IL16: variants seen among roughly 807,000 people sequenced by gnomAD.
IL16 encodes the protein interleukin 16.
A neutral mutation model predicts 110.1 loss-of-function variants in IL16; 67 were observed. The observed-to-expected ratio is 0.61, with a 90% CI of 0.50 to 0.75. The LOEUF is 0.75. Ranked by LOEUF, IL16 falls within the 30% of genes least tolerant of loss-of-function variation. The pLI, the probability that IL16 is intolerant of heterozygous loss-of-function variation, is 0.00. For synonymous variants in IL16, 689 were observed against 662.9 expected (o/e 1.04, Z -0.61); for missense variants, 1,545 against 1,655.0 (o/e 0.93, Z 1.15).
chr15:81,281,911 A>G (rs1158298863), intron 8 of IL16, among the ~76,000 whole-genome samples: 1 of 152,148 alleles, frequency 6.6e-6, no homozygotes, highest in South Asian at 2.1e-4. Flanking sequence ...TCTTGCTTCC[A>G]TTCTCCATGA....
At chr15:81,218,590 G>T (rs1185602912) in intron 1 of IL16, among the ~76,000 whole-genome samples, 1 of 152,116 alleles carries the variant, frequency 6.6e-6, no homozygotes, top group Admixed American at 6.5e-5. Context: ...CGTGATTGTT[G>T]TAAAAAGAAA....
At position 81,288,499 on chromosome 15, in the gene IL16, T is replaced by C. The variant is rs530744480; in HGVS notation, c.1333-1954T>C. On this transcript the variant is annotated intron_variant, in intron 10 of 18. Coordinates refer to ENST00000683961, the MANE Select transcript of IL16 (RefSeq NM_172217.5). ...TTTACCATCTTAACCATTTTTTAAG[T>C]GTACAGTTCAGTGGCATTAAGGACA... 9.1e-4 allele frequency among the ~76,000 whole-genome samples: 139 copies of C among 152,344 alleles called. 1 individual carries two copies. In the Middle Eastern group the frequency reaches 0.01, roughly 11 times the overall value.
chr15:81,203,652 G>C (rs922805587), intron 1 of IL16, among the ~76,000 whole-genome samples: 1 of 152,118 alleles, frequency 6.6e-6, no homozygotes, highest in Non-Finnish European at 1.5e-5. Flanking sequence ...CATTATTTCT[G>C]AGGGCTCTGT....
intron 4 of IL16, 104 bp from the exon 5 acceptor site, chr15:81,269,434 A>G (rs1013502135): frequency 1.3e-6 from 1 of 762,360 alleles, no homozygotes; most frequent in Non-Finnish European, 2.3e-6. Flanking sequence ...TAGGAGAAAG[A>G]GGACTTGGTT....
intron 4 of IL16, among the ~76,000 whole-genome samples, chr15:81,268,832 G>A (rs978643530): frequency 6.6e-6 from 1 of 152,188 alleles, no homozygotes; most frequent in Non-Finnish European, 1.5e-5. Flanking sequence ...CTATTAGATA[G>A]GCCCCATTAG....
intron 9 of IL16, among the ~76,000 whole-genome samples, chr15:81,284,600 GA>G (rs1291245021): frequency 1.3e-5 from 2 of 152,180 alleles, no homozygotes; most frequent in African/African-American, 4.8e-5. Context: ...CAGTAAAAAG[GA>G]AGCAAGGGTG....
intron 1 of IL16, among the ~76,000 whole-genome samples, chr15:81,216,563 T>G (rs1316345256): frequency 6.6e-6 from 1 of 152,134 alleles, no homozygotes; most frequent in Non-Finnish European, 1.5e-5. Context: ...CCTGGCTGCA[T>G]GTAGTCGGCC....
chr15:81,197,386 G>A (rs755761460), intron 1 of IL16, among the ~76,000 whole-genome samples: 41 of 152,166 alleles, frequency 2.7e-4, no homozygotes, highest in Non-Finnish European at 5.0e-4. Flanking sequence ...AGGCCAGAGC[G>A]GGCAGAGGGA....
intron 2 of IL16, among the ~76,000 whole-genome samples, chr15:81,237,167 T>A (rs1897203139): frequency 6.6e-6 from 1 of 152,198 alleles, no homozygotes; most frequent in South Asian, 2.1e-4. Flanking sequence ...GAACCCAAGT[T>A]TTAGTTATCC....
chr15:81,256,788 C>T (rs1897963602), intron 2 of IL16, among the ~76,000 whole-genome samples: 1 of 152,148 alleles, frequency 6.6e-6, no homozygotes. Context: ...GATAAGTAGA[C>T]CAACTGGCTG....
rs1328146807 is a variant in IL16 at position 81,279,550 on chromosome 15, T to C, written c.865-8T>C. On this transcript the variant is annotated splice_polypyrimidine_tract_variant and splice_region_variant and intron_variant, in intron 7 of 18. Coordinates refer to ENST00000683961, the MANE Select transcript of IL16 (RefSeq NM_172217.5). ...GCTGGGTGTTGTAGCCCTCTCTCTT[T>C]CTTTCAGCAAGCCAAAAAGGGGCTC... 6.2e-7 allele frequency: 1 copy of C among 1,607,996 alleles called. No homozygotes were observed.
chr15:81,199,480 T>C (rs936144560), intron 1 of IL16, among the ~76,000 whole-genome samples: 7 of 152,184 alleles, frequency 4.6e-5, no homozygotes, highest in Non-Finnish European at 1.0e-4. Context: ...AGGTTTGCTT[T>C]GAGTGGGAGC....
In IL16 at chr15:81,299,894, C is replaced by G; in HGVS notation, c.2568C>G (p.Asp856Glu). 1 of 1,613,604 alleles carries G rather than the reference C, an allele frequency of 6.2e-7. No homozygotes were observed. Among genetic ancestry groups the G allele is most frequent in the Non-Finnish European group, 8.5e-7 (1 of 1,180,022 alleles). Residue 856 changes from aspartate (D) to glutamate (E), a missense_variant, in exon 14 of 19, where the codon GAC becomes GAG. Asp to Glu is a conservative substitution (Grantham distance 45). This residue lies in a region of IL16 where 1,185 missense variants were observed against 1,238.8 expected (regional missense o/e 0.96). Transcript: ENST00000683961. The stretch of plus-strand genomic sequence containing the variant: ...CCTTTGGCTCCTCTCAACTGCCTGA[C>G]AAAGGAGCCCAGAGACTGAGCCTCC... ...FETFGSSQLP[D>E]KGAQRLSLQP... is the part of the protein sequence containing the mutation.
At chr15:81,242,107 T>G (rs1230854548) in intron 2 of IL16, among the ~76,000 whole-genome samples, 4 of 152,264 alleles carry the variant, frequency 2.6e-5, no homozygotes, top group African/African-American at 9.6e-5. Flanking sequence ...TATGTATATC[T>G]CTTACCAAAT....
intron 1 of IL16, among the ~76,000 whole-genome samples, chr15:81,197,433 T>G (rs888925323): frequency 6.6e-6 from 1 of 152,140 alleles, no homozygotes; most frequent in African/African-American, 2.4e-5. Flanking sequence ...GGGGAGAATT[T>G]GGTCCTGAGA....
intron 13 of IL16, 58 bp from the exon 14 acceptor site, chr15:81,299,322 G>C: frequency 6.2e-7 from 1 of 1,601,684 alleles, no homozygotes; most frequent in Non-Finnish European, 8.5e-7. Flanking sequence ...CTAGAATTTA[G>C]GAAGAAAAGT....
At chr15:81,216,676 G>C (rs977223944) in intron 1 of IL16, among the ~76,000 whole-genome samples, 7 of 147,448 alleles carry the variant, frequency 4.7e-5, no homozygotes, top group Non-Finnish European at 6.0e-5. Flanking sequence ...GCAGCAGCAG[G>C]AGGAGGAAGA....
intron 1 of IL16, among the ~76,000 whole-genome samples, chr15:81,209,304 G>T (rs1033710145): frequency 2.0e-5 from 3 of 152,108 alleles, no homozygotes; most frequent in Non-Finnish European, 4.4e-5. Context: ...GGGGGAGGTG[G>T]CTGTTGAAAG....
chr15:81,306,204 C>A, intron 17 of IL16, 38 bp downstream of exon 17: 3 of 1,599,002 alleles, frequency 1.9e-6, no homozygotes, highest in Non-Finnish European at 2.6e-6. Flanking sequence ...ACATGGGCCA[C>A]ATCCTCTTTG....
Sources: allele counts gnomAD v4.1 joint callset (sites outside exome capture counted in the v4.1 genomes callset), GRCh38; gene constraint gnomAD v4.1.1; regional missense constraint gnomAD v4.1.1; transcripts MANE v1.5; gene names NCBI Gene and HGNC (gene_info 2026-07-23, HGNC 2026-07-21).